RNF145: variants seen among roughly 807,000 people sequenced by gnomAD.
RNF145 encodes ring finger protein 145.
A neutral mutation model predicts 57.3 loss-of-function variants in RNF145; 12 were observed. That is an observed-to-expected ratio of 0.21 (90% confidence interval 0.13 to 0.34). The LOEUF (loss-of-function observed/expected upper bound fraction) is 0.34. Among genes scored for constraint, RNF145 ranks in the 10% least tolerant of loss-of-function variants. RNF145 has a pLI of 1.00. For missense variants in RNF145, 429 were observed against 799.0 expected (o/e 0.54, Z 5.58); for synonymous variants, 262 against 288.3 (o/e 0.91, Z 0.92).
chr5:159,207,663 G>A (rs1255033039), intron 1 of RNF145: 4 of 1,612,100 alleles, frequency 2.5e-6, no homozygotes, highest in Middle Eastern at 1.6e-4. Flanking sequence ...TACCAGGAAA[G>A]AGAACGCATT....
chr5:159,205,082 T>C (rs766502593), intron 1 of RNF145, among the ~76,000 whole-genome samples: 3 of 152,162 alleles, frequency 2.0e-5, no homozygotes, highest in Admixed American at 6.5e-5. Flanking sequence ...CTAGTTCAGA[T>C]AGTCAAAAAG....
chr5:159,173,824 T>C (rs960969202), intron 6 of RNF145, among the ~76,000 whole-genome samples, 159 bp downstream of exon 6: 2 of 152,206 alleles, frequency 1.3e-5, no homozygotes, highest in African/African-American at 2.4e-5. Context: ...CCTCCCTGCA[T>C]TGCCAAACCT....
At chr5:159,208,947 A>G (rs1355363379) in intron 1 of RNF145, among the ~76,000 whole-genome samples, 2 of 151,414 alleles carry the variant, frequency 1.3e-5, no homozygotes, top group African/African-American at 4.9e-5. Context: ...GGGAGCTGGA[A>G]CAGAGGGGGC....
chr5:159,208,134 A>G, intron 1 of RNF145: 2 of 1,422,244 alleles, frequency 1.4e-6, no homozygotes, highest in Non-Finnish European at 9.1e-7. Flanking sequence ...TCCTCCCACA[A>G]CGCCTGCAGA....
At chr5:159,207,738 G>A (rs763059644) in intron 1 of RNF145, 22 of 1,613,882 alleles carry the variant, frequency 1.4e-5, no homozygotes, top group Non-Finnish European at 1.9e-5. Flanking sequence ...CTCCTTGCTA[G>A]CTAACTTTGT....
At chr5:159,191,024 C>T (rs977482625) in intron 3 of RNF145, among the ~76,000 whole-genome samples, 1 of 149,330 alleles carries the variant, frequency 6.7e-6, no homozygotes, top group African/African-American at 2.5e-5. Context: ...CTGAGCCTAA[C>T]TGGAAGAAGA....
At position 159,165,555 on chromosome 5, in the gene RNF145, C is replaced by T. The variant is rs372841352; in HGVS notation, c.1122-2476G>A. ...AAAATTAGCCGGGCGTAGTGGCGGG[C>T]GCCTGTAGTCCCAGCTACTTGGGAG... On this transcript the variant is annotated intron_variant, in intron 8 of 10. Transcript: ENST00000424310. 6.8e-5 allele frequency among the ~76,000 whole-genome samples: 3 copies of T among 44,138 alleles called. 1 individual carries two copies. The highest frequency in any genetic ancestry group is 2.2e-3 in the South Asian group (2 of 894). 29.0% of individuals were successfully genotyped at this position (44,138 alleles called of 152,430 possible). A position where few individuals can be genotyped will look rare whatever the true frequency, so the allele number is the denominator to read the frequency against.
chr5:159,203,726 G>T, intron 1 of RNF145, 70 bp from the exon 2 acceptor site: 1 of 935,598 alleles, frequency 1.1e-6, no homozygotes, highest in Non-Finnish European at 1.6e-6. Context: ...ACCCTTTCAC[G>T]AATCTAATAG....
chr5:159,164,826 T>C (rs1295634472), intron 8 of RNF145, among the ~76,000 whole-genome samples: 2 of 152,194 alleles, frequency 1.3e-5, no homozygotes, highest in African/African-American at 2.4e-5. Context: ...TAACCAATTA[T>C]TTCTATGGCT....
chr5:159,194,561 T>C (rs1785391464), intron 3 of RNF145, among the ~76,000 whole-genome samples, 155 bp downstream of exon 3: 1 of 152,262 alleles, frequency 6.6e-6, no homozygotes, highest in East Asian at 1.9e-4. Flanking sequence ...AAACCAGCTA[T>C]TAATCCTGTG....
upstream of RNF145, chr5:159,210,013 G>A (rs1392892879): frequency 4.5e-6 from 4 of 887,328 alleles, no homozygotes; most frequent in African/African-American, 6.6e-5. Context: ...CCAAGTGCAG[G>A]CACTCAAACC....
intron 6 of RNF145, among the ~76,000 whole-genome samples, chr5:159,170,470 G>A (rs1248327025): frequency 6.6e-6 from 1 of 152,136 alleles, no homozygotes; most frequent in Non-Finnish European, 1.5e-5. Flanking sequence ...ATAACTGGAA[G>A]ACATTACACT....
rs1042256202 is a variant in RNF145 at position 159,207,757 on chromosome 5, G to A, written c.-40+1474C>T. 4.3e-6 allele frequency: 7 copies of A among 1,613,934 alleles called. No homozygotes were observed. In the African/African-American group the frequency reaches 9.3e-5, roughly 22 times the overall value. On this transcript the variant is annotated intron_variant, in intron 1 of 10. Coordinates refer to ENST00000424310, the MANE Select transcript of RNF145 (RefSeq NM_001199383.2). Reference sequence around the variant, plus strand: ...TTGCTAGCTAACTTTGTATGTACCTGATCTCCACATAAACTACTAGCAATT... The same window carrying A: ...TTGCTAGCTAACTTTGTATGTACCTAATCTCCACATAAACTACTAGCAATT...
chr5:159,195,507 T>C (rs768960979), intron 2 of RNF145, among the ~76,000 whole-genome samples: 7 of 152,190 alleles, frequency 4.6e-5, no homozygotes, highest in African/African-American at 7.2e-5. Context: ...CTAAAGAAAG[T>C]TGGAAGTCAA....
rs1486523002 is a variant in RNF145, at chr5:159,207,752, T to G, written c.-40+1479A>C. The G allele has an allele frequency of 2.5e-6, 4 of 1,614,064 alleles. No homozygotes were observed. The African/African-American group carries it at 5.3e-5, about 22-fold the overall frequency. ...ACTCCTTGCTAGCTAACTTTGTATG[T>G]ACCTGATCTCCACATAAACTACTAG... is the stretch of plus-strand genomic sequence containing the variant. On this transcript the variant is annotated intron_variant, in intron 1 of 10. Coordinates refer to ENST00000424310, the MANE Select transcript of RNF145 (RefSeq NM_001199383.2).
Position 159,203,446 on chromosome 5 carries a change from T to C in RNF145, c.172A>G (p.Met58Val), listed in dbSNP as rs757401030. The change falls in exon 2 of 11, where the codon ATG becomes GTG. Residue 58 changes from methionine to valine, a missense_variant. Around this residue, in one of 4 missense-constraint regions of RNF145, gnomAD observed 109 missense variants for 207.2 expected, o/e 0.53. Coordinates refer to ENST00000424310, the MANE Select transcript of RNF145 (RefSeq NM_001199383.2). ...TGTAGACACTCACCTACATAATGCATATTAAGAGCCAAATACTTATACTGG... is the reference window on the plus strand; with the variant it reads ...TGTAGACACTCACCTACATAATGCACATTAAGAGCCAAATACTTATACTGG... ...LFQYKYLALN[M>V]HYVGYILSVV... The C allele has an allele frequency of 6.2e-7, 1 of 1,609,168 alleles. No individual in the cohort carries two copies. Among genetic ancestry groups the C allele is most frequent in the Non-Finnish European group, 8.5e-7 (1 of 1,175,520 alleles).
Position 159,203,462 on chromosome 5 carries a change from C to T in RNF145, c.156G>A (p.Lys52=). The T allele has an allele frequency of 6.2e-7, 1 of 1,613,682 alleles. No homozygotes were observed. The highest frequency in any genetic ancestry group is 8.5e-7 in the Non-Finnish European group (1 of 1,179,654). Reference sequence around the variant, plus strand: ...CATAATGCATATTAAGAGCCAAATACTTATACTGGAAAAGAGGGTTATTAC... The same window carrying T: ...CATAATGCATATTAAGAGCCAAATATTTATACTGGAAAAGAGGGTTATTAC... The part of the protein sequence containing the change: ...SLSNNPLFQY[K]YLALNMHYVG... The change falls in exon 2 of 11, where the codon AAG becomes AAA. Residue 52 remains lysine (K), a synonymous_variant. Transcript: ENST00000424310.
At position 159,194,730 on chromosome 5, in the gene RNF145, T is replaced by G. The variant is rs79950676; in HGVS notation, c.279A>C (p.Gly93=). Residue 93 remains glycine, a synonymous_variant, in exon 3 of 11, where the codon GGA becomes GGC. Coordinates refer to ENST00000424310, the MANE Select transcript of RNF145 (RefSeq NM_001199383.2). ...CATATTCTTACCTGGAAATTTGATGTCCAGCATAGAGGAGCAGAGCAGTCA... is the reference window on the plus strand; with the variant it reads ...CATATTCTTACCTGGAAATTTGATGGCCAGCATAGAGGAGCAGAGCAGTCA... ...YFLTALLLYA[G]HQISRDYVRS... 5.5e-5 allele frequency: 88 copies of G among 1,605,610 alleles called. No homozygotes were observed. The highest frequency in any genetic ancestry group is 1.3e-4 in the Admixed American group (8 of 59,430).
intron 2 of RNF145, among the ~76,000 whole-genome samples, chr5:159,197,513 A>T (rs1036615539): frequency 6.6e-6 from 1 of 152,234 alleles, no homozygotes; most frequent in African/African-American, 2.4e-5. Context: ...CCAGTGGAAA[A>T]GTAACTCTGT....
Sources: allele counts gnomAD v4.1 joint callset (sites outside exome capture counted in the v4.1 genomes callset), GRCh38; gene constraint gnomAD v4.1.1; regional missense constraint gnomAD v4.1.1; transcripts MANE v1.5; gene names NCBI Gene and HGNC (gene_info 2026-07-23, HGNC 2026-07-21).